PRKAB2: variants seen among roughly 807,000 people sequenced by gnomAD.
PRKAB2 encodes the protein 5'-AMP-activated protein kinase subunit beta-2.
In PRKAB2, 18 loss-of-function variants were observed where a neutral mutation model predicts 29.8. That is an observed-to-expected ratio of 0.60 (90% CI 0.42 to 0.89). The LOEUF is 0.89. Ranked by LOEUF, PRKAB2 falls within the 40% of genes least tolerant of loss-of-function variation. PRKAB2 has a pLI of 0.00. For missense variants in PRKAB2, 270 were observed against 344.3 expected (o/e 0.78, Z 1.71); for synonymous variants, 136 against 125.9 (o/e 1.08, Z -0.54).
chr1:147,167,001 A>T, intron 3 of PRKAB2, 62 bp from the exon 4 acceptor site: 1 of 1,346,756 alleles, frequency 7.4e-7, no homozygotes, highest in Non-Finnish European at 1.1e-6. Flanking sequence ...AATCTAAAAA[A>T]CAAGTGGCAA....
chr1:147,165,781 T>C (rs1304076040), intron 5 of PRKAB2, among the ~76,000 whole-genome samples: 2 of 152,006 alleles, frequency 1.3e-5, no homozygotes, highest in Non-Finnish European at 2.9e-5. Flanking sequence ...TACAACAGAA[T>C]TGTCAGGGGG....
chr1:147,157,903 T>C lies in PRKAB2; in HGVS notation c.*1662A>G, dbSNP rs1370249261. 6.6e-6 allele frequency: 1 copy of C among 152,130 alleles called. No individual in the cohort carries two copies. Among genetic ancestry groups the C allele is most frequent in the African/African-American group, 2.4e-5 (1 of 41,420 alleles). 9.4% of individuals were successfully genotyped at this position (152,130 alleles called of 1,614,324 possible). On this transcript the variant is annotated 3_prime_UTR_variant, in exon 8 of 8. Coordinates refer to ENST00000254101, the MANE Select transcript of PRKAB2 (RefSeq NM_005399.5). ...TATTTGCATCCCAGCAAAACAACAA[T>C]CCCACACTTTACTCCATCACACCTG... is the stretch of plus-strand genomic sequence containing the variant.
intron 7 of PRKAB2, among the ~76,000 whole-genome samples, chr1:147,161,490 A>G (rs190811162): frequency 4.6e-5 from 7 of 152,318 alleles, no homozygotes; most frequent in Admixed American, 4.6e-4. Flanking sequence ...CTGGGCAGCA[A>G]AAAAGTCCTA....
At position 147,159,572 on chromosome 1, in the gene PRKAB2, G is replaced by C; in HGVS notation, c.812C>G (p.Pro271Arg). 1 of 1,613,070 alleles carries C rather than the reference G, an allele frequency of 6.2e-7. No homozygotes were observed. ...KKYVTTLLYK[P>R]I ...AGGCAAGAAGGGATCCCTTCAAATGGGCTTGTATAGCAGAGTAGTAACATA... is the reference window on the plus strand; with the variant it reads ...AGGCAAGAAGGGATCCCTTCAAATGCGCTTGTATAGCAGAGTAGTAACATA... Residue 271 changes from proline (P) to arginine (R), a missense_variant, in exon 8 of 8, where the codon CCC (proline) becomes CGC (arginine). By Grantham distance (103) the Pro-to-Arg change is moderately radical (BLOSUM62 -2). Coordinates refer to ENST00000254101, the MANE Select transcript of PRKAB2 (RefSeq NM_005399.5).
intron 2 of PRKAB2, among the ~76,000 whole-genome samples, chr1:147,170,674 G>A (rs1654481659): frequency 6.6e-6 from 1 of 152,036 alleles, no homozygotes; most frequent in Admixed American, 6.5e-5. Context: ...CCGCCTCCCG[G>A]GTTCAAGCGA....
In PRKAB2 at chr1:147,167,864, C is replaced by G; in HGVS notation, c.226G>C (p.Ala76Pro). The change falls in exon 3 of 8, where the codon GCC (alanine) becomes CCC (proline). Residue 76 changes from alanine (A) to proline (P), a missense_variant. Around this residue, in one of 2 missense-constraint regions of PRKAB2, gnomAD observed 228 missense variants for 255.5 expected, o/e 0.89. Transcript: ENST00000254101. ...GACCAGCGGATAACAGTGGGCCGGG[C>G]CTGCTGTGTGGGCTTTACGGAGTCC... ...LEDSVKPTQQARPTVIRWSEG... is the reference protein window; with the variant it reads ...LEDSVKPTQQPRPTVIRWSEG... The G allele has an allele frequency of 6.2e-7, 1 of 1,614,140 alleles. No individual in the cohort carries two copies. Among genetic ancestry groups the G allele is most frequent in the South Asian group, 1.1e-5 (1 of 91,070 alleles).
intron 2 of PRKAB2, among the ~76,000 whole-genome samples, chr1:147,169,263 C>A (rs1208500061): frequency 6.6e-6 from 1 of 152,094 alleles, no homozygotes; most frequent in Non-Finnish European, 1.5e-5. Context: ...CATACATTCT[C>A]TTGATATTCC....
chr1:147,157,444 T>C lies in PRKAB2; in HGVS notation c.*2121A>G, dbSNP rs1002207930. ...GAAGATCACTAGCATCAAAACCTAC[T>C]GTCACAGGGGGCTGACGCATTTCAC... On this transcript the variant is annotated 3_prime_UTR_variant, in exon 8 of 8. Transcript: ENST00000254101. 6.6e-6 allele frequency: 1 copy of C among 152,122 alleles called. No homozygotes were observed. Among genetic ancestry groups the C allele is most frequent in the Non-Finnish European group, 1.5e-5 (1 of 68,006 alleles). 9.4% of individuals were successfully genotyped at this position (152,122 alleles called of 1,614,324 possible).
intron 7 of PRKAB2, among the ~76,000 whole-genome samples, chr1:147,161,080 A>T (rs1571053413): frequency 1.3e-5 from 2 of 152,256 alleles, no homozygotes; most frequent in Admixed American, 6.5e-5. Context: ...GGAGACTCTA[A>T]TGATAATCAG....
chr1:147,161,584 C>A, intron 7 of PRKAB2, 128 bp downstream of exon 7: 1 of 767,956 alleles, frequency 1.3e-6, no homozygotes, highest in Non-Finnish European at 2.1e-6. Context: ...GAGAGTTCTT[C>A]TATAATTTGA....
intron 2 of PRKAB2, among the ~76,000 whole-genome samples, chr1:147,169,287 A>G (rs1553914051): frequency 6.6e-6 from 1 of 152,220 alleles, no homozygotes; most frequent in African/African-American, 2.4e-5. Context: ...AAACTACAGT[A>G]TAGCATATCA....
intron 2 of PRKAB2, among the ~76,000 whole-genome samples, chr1:147,171,362 C>T (rs1362948688): frequency 6.6e-6 from 1 of 152,134 alleles, no homozygotes; most frequent in Non-Finnish European, 1.5e-5. Flanking sequence ...GAGGCACAGC[C>T]TCAGCCACCA....
rs782424217 is a variant in PRKAB2, at chr1:147,166,930, G to A, written c.333C>T (p.Asp111=). The change falls in exon 4 of 8, where the codon GAC becomes GAT. Residue 111 remains aspartate (D), a synonymous_variant. Transcript: ENST00000254101. Reference sequence around the variant, plus strand: ...CAGGGAGGTCCAGGATGGCAACAAAGTCATTATGGCTACAGAAGAAAAAAG... The same window carrying A: ...CAGGGAGGTCCAGGATGGCAACAAAATCATTATGGCTACAGAAGAAAAAAG... ...TKIPLIKSHN[D]FVAILDLPEG... is the part of the protein sequence containing the mutation. 12 of 1,613,380 alleles carry A rather than the reference G, an allele frequency of 7.4e-6. No individual in the cohort carries two copies. In the African/African-American group the frequency reaches 1.2e-4, roughly 16 times the overall value.
At chr1:147,165,537 G>A (rs782194393) in intron 5 of PRKAB2, among the ~76,000 whole-genome samples, 73 of 152,310 alleles carry the variant, frequency 4.8e-4, no homozygotes, top group African/African-American at 1.8e-3. Flanking sequence ...TCACAGGAGA[G>A]AAGTGTGCTC....
intron 2 of PRKAB2, among the ~76,000 whole-genome samples, chr1:147,169,327 AAG>A (rs1654402335): frequency 1.3e-5 from 2 of 152,180 alleles, no homozygotes; most frequent in South Asian, 4.1e-4. Context: ...TAAATAGAGA[AAG>A]AGAATTGAAA....
chr1:147,159,702 C>CCAGT, intron 7 of PRKAB2, 60 bp from the exon 8 acceptor site: 1 of 1,443,694 alleles, frequency 6.9e-7, no homozygotes, highest in South Asian at 1.2e-5. Flanking sequence ...GTAGCTCTTC[C>CCAGT]CAGTCATCAG....
intron 7 of PRKAB2, among the ~76,000 whole-genome samples, chr1:147,161,450 G>A (rs1438474711): frequency 6.6e-6 from 1 of 152,062 alleles, no homozygotes. Context: ...TAAACAGTTA[G>A]TGTAAAGATT....
chr1:147,172,344 C>T, intron 1 of PRKAB2, 85 bp downstream of exon 1: 1 of 710,946 alleles, frequency 1.4e-6, no homozygotes, highest in South Asian at 2.0e-5. Context: ...CCGGTGCCCT[C>T]ACTGGCCCTA....
intron 7 of PRKAB2, among the ~76,000 whole-genome samples, chr1:147,159,980 C>T (rs1553912904): frequency 6.6e-6 from 1 of 152,060 alleles, no homozygotes; most frequent in East Asian, 1.9e-4. Flanking sequence ...GCTCCCTTCC[C>T]TACTTTAAAT....
Sources: gnomAD v4.1 joint callset for allele counts (sites outside exome capture counted in the v4.1 genomes callset) on GRCh38, gnomAD v4.1.1 for gene constraint, gnomAD v4.1.1 regional missense constraint, MANE v1.5 for transcripts, NCBI Gene and HGNC (gene_info 2026-07-23, HGNC 2026-07-21) for gene names.